The following NDUFAF2 variants were observed in gnomAD, a reference collection of about 807,000 sequenced individuals.
The protein encoded by NDUFAF2 is NADH:ubiquinone oxidoreductase complex assembly factor 2, also known as NADH dehydrogenase [ubiquinone] 1 alpha subcomplex assembly factor 2.
A neutral mutation model predicts 22.8 loss-of-function variants in NDUFAF2; 13 were observed. That is an observed-to-expected ratio of 0.57 (90% CI 0.37 to 0.91). The LOEUF (loss-of-function observed/expected upper bound fraction) is 0.91. Among genes scored for constraint, NDUFAF2 ranks in the 40% least tolerant of loss-of-function variants. The pLI is 0.01. For missense variants in NDUFAF2, 162 were observed against 195.2 expected (o/e 0.83, Z 1.01); for synonymous variants, 53 against 64.2 (o/e 0.83, Z 0.84).
intron 3 of NDUFAF2, among the ~76,000 whole-genome samples, chr5:61,129,907 TC>T (rs1287420103): frequency 6.6e-5 from 10 of 152,042 alleles, no homozygotes; most frequent in African/African-American, 2.4e-4. Context: ...AAAAAGACTT[TC>T]TAATTCTAAT....
At chr5:61,044,346 T>C (rs746478053) in intron 1 of NDUFAF2, among the ~76,000 whole-genome samples, 5 of 152,146 alleles carry the variant, frequency 3.3e-5, no homozygotes, top group Admixed American at 6.5e-5. Context: ...GTGCAGAAGC[T>C]TTTTAGTTCA....
intron 1 of NDUFAF2, among the ~76,000 whole-genome samples, chr5:60,961,072 G>GGTA (rs1436808269): frequency 6.6e-6 from 1 of 152,112 alleles, no homozygotes; most frequent in Admixed American, 6.5e-5. Flanking sequence ...TGATGGTGGT[G>GGTA]GTAGTGGTGG....
chr5:61,043,226 A>G (rs1751904984), intron 1 of NDUFAF2, among the ~76,000 whole-genome samples: 1 of 152,168 alleles, frequency 6.6e-6, no homozygotes, highest in South Asian at 2.1e-4. Context: ...GTCTTGGGGG[A>G]AAAAAACAAA....
At chr5:60,984,476 A>T (rs1435982843) in intron 1 of NDUFAF2, among the ~76,000 whole-genome samples, 1 of 152,116 alleles carries the variant, frequency 6.6e-6, no homozygotes, top group Admixed American at 6.5e-5. Context: ...GTCTTGTGCC[A>T]GTTTTCAAAG....
At chr5:61,005,014 TG>T (rs1561539768) in intron 1 of NDUFAF2, among the ~76,000 whole-genome samples, 1 of 152,134 alleles carries the variant, frequency 6.6e-6, no homozygotes, top group Non-Finnish European at 1.5e-5. Flanking sequence ...TGTATACATG[TG>T]CCATGTTGGT....
At chr5:61,052,532 G>A (rs1273387294) in intron 1 of NDUFAF2, among the ~76,000 whole-genome samples, 3 of 152,022 alleles carry the variant, frequency 2.0e-5, no homozygotes, top group Admixed American at 6.6e-5. Flanking sequence ...GGATGGTCTC[G>A]ATCTCCTGAC....
At chr5:60,992,351 G>T (rs867706020) in intron 1 of NDUFAF2, among the ~76,000 whole-genome samples, 1 of 152,116 alleles carries the variant, frequency 6.6e-6, no homozygotes, top group Non-Finnish European at 1.5e-5. Context: ...TGCTTGTGGG[G>T]TATTACTCAA....
At chr5:61,049,721 A>G (rs1001190870) in intron 1 of NDUFAF2, among the ~76,000 whole-genome samples, 3 of 152,048 alleles carry the variant, frequency 2.0e-5, no homozygotes, top group East Asian at 1.9e-4. Flanking sequence ...ACTTAGCATA[A>G]TGTCCTCAGG....
intron 3 of NDUFAF2, among the ~76,000 whole-genome samples, chr5:61,105,261 T>C (rs75822881): frequency 0.024 from 3,700 of 151,458 alleles, 72 homozygotes; most frequent in Non-Finnish European, 0.038. Flanking sequence ...TTCAGGCCCA[T>C]TTCAGTGTTG....
intron 1 of NDUFAF2, among the ~76,000 whole-genome samples, chr5:61,005,516 G>A (rs923319270): frequency 7.2e-5 from 11 of 152,184 alleles, no homozygotes; most frequent in African/African-American, 1.7e-4. Context: ...TTGCCACACT[G>A]TCTTCCACAA....
At chr5:61,070,318 C>G (rs1484020527) in intron 1 of NDUFAF2, among the ~76,000 whole-genome samples, 6 of 151,974 alleles carry the variant, frequency 3.9e-5, no homozygotes, top group Non-Finnish European at 7.4e-5. Flanking sequence ...TGCATAATTC[C>G]TTACTCAGTG....
chr5:61,027,979 G>A (rs897925759), intron 1 of NDUFAF2, among the ~76,000 whole-genome samples: 1 of 151,942 alleles, frequency 6.6e-6, no homozygotes, highest in African/African-American at 2.4e-5. Flanking sequence ...ACAACACAAA[G>A]CCTTCTTTCC....
chr5:61,038,817 T>G (rs939979424), intron 1 of NDUFAF2, among the ~76,000 whole-genome samples: 4 of 152,162 alleles, frequency 2.6e-5, no homozygotes, highest in South Asian at 4.1e-4. Flanking sequence ...TGAGGTCATG[T>G]TTCTTAATTG....
At chr5:61,015,960 G>A (rs1006331957) in intron 1 of NDUFAF2, among the ~76,000 whole-genome samples, 1 of 152,110 alleles carries the variant, frequency 6.6e-6, no homozygotes, top group Non-Finnish European at 1.5e-5. Flanking sequence ...GGCTGAGGCA[G>A]GCAGATCACA....
chr5:60,962,164 T>C (rs956671596), intron 1 of NDUFAF2, among the ~76,000 whole-genome samples: 5 of 149,638 alleles, frequency 3.3e-5, no homozygotes, highest in Non-Finnish European at 4.4e-5. Context: ...CACATAGTTA[T>C]CTTGGTTTTT....
chr5:61,107,044 TATACACAC>T lies in NDUFAF2; in HGVS notation c.258+8014_258+8021del, dbSNP rs1182676382. ...TCTGATTTCCTTTCCTTTGGATAAA[TATACACAC>T]ACACACACACACACACACACACACA... On this transcript the variant is annotated intron_variant, in intron 3 of 3. Transcript: ENST00000296597. 4.6e-4 allele frequency among the ~76,000 whole-genome samples: 30 copies of T among 64,804 alleles called. 3 individuals carry two copies. Among genetic ancestry groups the T allele is most frequent in the African/African-American group, 1.7e-3 (24 of 14,272 alleles). 42.5% of individuals were successfully genotyped at this position (64,804 alleles called of 152,430 possible).
In NDUFAF2 at chr5:61,036,147, A is replaced by G. The variant is rs192467965; in HGVS notation, c.128-36978A>G. On this transcript the variant is annotated intron_variant, in intron 1 of 3. Transcript: ENST00000296597. ...GGCAGGCCTGGAAGAAGCATACATCACTTTCACCCTTGTTCCACTGGCCAG... is the reference window on the plus strand; with the variant it reads ...GGCAGGCCTGGAAGAAGCATACATCGCTTTCACCCTTGTTCCACTGGCCAG... Among the ~76,000 whole-genome samples the G allele has an allele frequency of 1.9e-3, 294 of 152,348 alleles. 1 individual carries two copies. The highest frequency in any genetic ancestry group is 6.8e-3 in the Middle Eastern group (2 of 294).
chr5:61,043,702 T>C (rs1277313933), intron 1 of NDUFAF2, among the ~76,000 whole-genome samples: 2 of 134,010 alleles, frequency 1.5e-5, no homozygotes, highest in African/African-American at 7.0e-5. Flanking sequence ...TGTGTGTGTG[T>C]ATGTGTGTGT....
rs545822642 is a variant in NDUFAF2, at chr5:61,030,188, T to A, written c.128-42937T>A. Among the ~76,000 whole-genome samples the A allele has an allele frequency of 3.9e-5, 6 of 152,246 alleles. No homozygotes were observed. In the South Asian group the frequency reaches 1.2e-3, roughly 32 times the overall value. On this transcript the variant is annotated intron_variant, in intron 1 of 3. Transcript: ENST00000296597. ...GGGTCTTTAGAACTGGTTTTAGTAA[T>A]GTAGCATATATACAGGAATCTTAGG... is the stretch of plus-strand genomic sequence containing the variant.
Sources: allele counts gnomAD v4.1 joint callset (sites outside exome capture counted in the v4.1 genomes callset), GRCh38; gene constraint gnomAD v4.1.1; transcripts MANE v1.5; gene names NCBI Gene and HGNC (gene_info 2026-07-23, HGNC 2026-07-21).